The following SLC24A2 variants were observed in gnomAD, a reference collection of about 807,000 sequenced individuals.
SLC24A2 encodes solute carrier family 24 member 2.
Under a neutral mutation model 62.0 loss-of-function variants are expected in SLC24A2, and 36 were observed. The ratio of observed to expected loss-of-function variants is 0.58; its 90% CI spans 0.44 to 0.77. SLC24A2 has a LOEUF of 0.77. Among genes scored for constraint, SLC24A2 ranks in the 30% least tolerant of loss-of-function variants. The probability of loss-of-function intolerance (pLI) is 0.00; values close to 1 mark genes in which losing one functional copy is unlikely to be tolerated. For missense variants in SLC24A2, 846 were observed against 817.9 expected (o/e 1.03, Z -0.42); for synonymous variants, 358 against 294.0 (o/e 1.22, Z -2.23).
chr9:19,586,491 G>A (rs1015442776), intron 5 of SLC24A2, among the ~76,000 whole-genome samples: 3 of 151,846 alleles, frequency 2.0e-5, no homozygotes, highest in African/African-American at 4.8e-5. Flanking sequence ...AACACATTGC[G>A]GGAAACTTGC....
chr9:20,158,340 G>C, the SLC24A2 span, among the ~76,000 whole-genome samples: 1 of 151,624 alleles, frequency 6.6e-6, no homozygotes, highest in Non-Finnish European at 1.5e-5. Flanking sequence ...CAAGTTTATG[G>C]GATTAAGAAG....
At chr9:20,101,282 C>G in the SLC24A2 span, among the ~76,000 whole-genome samples, 4 of 152,240 alleles carry the variant, frequency 2.6e-5, no homozygotes, top group Non-Finnish European at 5.9e-5. Flanking sequence ...AGTGCCCCTG[C>G]ATCAACATTT....
intron 7 of SLC24A2, among the ~76,000 whole-genome samples, chr9:19,555,026 C>T (rs145640388): frequency 3.3e-5 from 5 of 152,228 alleles, no homozygotes; most frequent in African/African-American, 1.2e-4. Flanking sequence ...CAGGGGGCCA[C>T]ATGTTAACAC....
the SLC24A2 span, among the ~76,000 whole-genome samples, chr9:20,209,513 C>T: frequency 1.3e-5 from 2 of 152,182 alleles, no homozygotes; most frequent in Non-Finnish European, 2.9e-5. Context: ...CTTTACTACT[C>T]TGAACAGACA....
intron 8 of SLC24A2, among the ~76,000 whole-genome samples, chr9:19,535,721 G>A (rs200130787): frequency 2.0e-5 from 3 of 152,056 alleles, no homozygotes; most frequent in South Asian, 2.1e-4. Context: ...TATACCTGTT[G>A]TGGTACCAGT....
chr9:19,554,175 G>A (rs1230568758), intron 7 of SLC24A2, among the ~76,000 whole-genome samples: 1 of 152,092 alleles, frequency 6.6e-6, no homozygotes, highest in Non-Finnish European at 1.5e-5. Flanking sequence ...ATGAAGATGG[G>A]GACACAGCAA....
chr9:19,558,599 T>G (rs1017688041), intron 7 of SLC24A2, among the ~76,000 whole-genome samples: 14 of 152,162 alleles, frequency 9.2e-5, no homozygotes, highest in African/African-American at 3.4e-4. Context: ...ATTAAGCCCT[T>G]TATAACAATA....
the SLC24A2 span, among the ~76,000 whole-genome samples, chr9:20,299,470 C>T: frequency 1.3e-5 from 2 of 152,204 alleles, no homozygotes; most frequent in African/African-American, 2.4e-5. Context: ...TCCTGCCATG[C>T]TTGTGATGCC....
At chr9:19,602,509 A>G (rs1836868441) in intron 4 of SLC24A2, among the ~76,000 whole-genome samples, 1 of 152,256 alleles carries the variant, frequency 6.6e-6, no homozygotes, top group Non-Finnish European at 1.5e-5. Flanking sequence ...ATAATCTAAC[A>G]TCAGGTACAT....
chr9:19,519,435 A>G (rs1833087522), intron 10 of SLC24A2, among the ~76,000 whole-genome samples: 1 of 152,120 alleles, frequency 6.6e-6, no homozygotes, highest in African/African-American at 2.4e-5. Context: ...ATAATATACT[A>G]TAGAGCATTA....
At chr9:20,063,793 T>C in the SLC24A2 span, among the ~76,000 whole-genome samples, 6 of 152,148 alleles carry the variant, frequency 3.9e-5, no homozygotes, top group African/African-American at 1.4e-4. Flanking sequence ...TCATTAGTTA[T>C]TAAGGAAACT....
intron 2 of SLC24A2, among the ~76,000 whole-genome samples, chr9:19,686,035 T>A (rs1819871253): frequency 6.6e-6 from 1 of 152,084 alleles, no homozygotes; most frequent in African/African-American, 2.4e-5. Context: ...AAAGGTATAA[T>A]ATCCAGAATC....
chr9:20,003,237 C>T, the SLC24A2 span, among the ~76,000 whole-genome samples: 1 of 152,116 alleles, frequency 6.6e-6, no homozygotes, highest in Non-Finnish European at 1.5e-5. Context: ...AAAACTATGC[C>T]CATGACCACA....
chr9:20,101,665 C>T, the SLC24A2 span, among the ~76,000 whole-genome samples: 2 of 152,070 alleles, frequency 1.3e-5, no homozygotes, highest in Non-Finnish European at 2.9e-5. Context: ...GAATGGAGAC[C>T]TGACCTTTCC....
chr9:19,636,315 T>TTTCCTTTCCTTTCCTTTC (rs1554690361), intron 2 of SLC24A2, among the ~76,000 whole-genome samples: 1 of 40,328 alleles, frequency 2.5e-5, no homozygotes, highest in African/African-American at 1.2e-4. Context: ...TTTTCTTTTC[T>TTTCCTTTCCTTTCCTTTC]TTTCTTTCTT....
intron 4 of SLC24A2, among the ~76,000 whole-genome samples, chr9:19,601,074 G>A (rs1429821684): frequency 2.0e-5 from 3 of 151,974 alleles, no homozygotes; most frequent in South Asian, 2.1e-4. Flanking sequence ...ATTGTAAAAC[G>A]CACCAATCAG....
the SLC24A2 span, among the ~76,000 whole-genome samples, chr9:20,031,840 C>T: frequency 6.6e-6 from 1 of 152,082 alleles, no homozygotes; most frequent in African/African-American, 2.4e-5. Flanking sequence ...CGTTGGTGGG[C>T]TGGTAAATGT....
chr9:19,549,192 T>C (rs915579152), intron 8 of SLC24A2, among the ~76,000 whole-genome samples: 9 of 152,182 alleles, frequency 5.9e-5, no homozygotes, highest in Admixed American at 6.5e-5. Context: ...GTAATGATAG[T>C]CACAAGAATG....
chr9:19,730,898 A>G (rs1821315437), intron 2 of SLC24A2, among the ~76,000 whole-genome samples: 2 of 151,052 alleles, frequency 1.3e-5, no homozygotes, highest in Admixed American at 1.3e-4. Context: ...TTTACCTTTG[A>G]TAATAAAATT....
Sources: gnomAD v4.1 joint callset for allele counts (sites outside exome capture counted in the v4.1 genomes callset) on GRCh38, gnomAD v4.1.1 for gene constraint, MANE v1.5 for transcripts, NCBI Gene and HGNC (gene_info 2026-07-23, HGNC 2026-07-21) for gene names.